Variants in RPS6KA6 observed in about 807,000 individuals in gnomAD.
RPS6KA6 encodes ribosomal protein S6 kinase A6.
In RPS6KA6, 27 loss-of-function variants were observed where a neutral mutation model predicts 65.4. The observed-to-expected ratio is 0.41, with a 90% CI of 0.30 to 0.57. RPS6KA6 has a LOEUF of 0.57. Among genes scored for constraint, RPS6KA6 ranks in the 20% least tolerant of loss-of-function variants. The pLI, the probability that RPS6KA6 is intolerant of heterozygous loss-of-function variation, is 0.24. For synonymous variants in RPS6KA6, 190 were observed against 184.2 expected (o/e 1.03, Z -0.26); for missense variants, 486 against 555.6 (o/e 0.87, Z 1.26).
Position 84,185,041 on chromosome X carries a change from T to A in RPS6KA6, c.81+2778A>T, listed in dbSNP as rs191582306. Among the ~76,000 whole-genome samples the A allele has an allele frequency of 4.4e-3, 485 of 111,033 alleles. 4 individuals are homozygous for A. Among genetic ancestry groups the A allele is most frequent in the African/African-American group, 0.015 (462 of 30,508 alleles). On this transcript the variant is annotated intron_variant, in intron 1 of 21. Coordinates refer to ENST00000262752, the MANE Select transcript of RPS6KA6 (RefSeq NM_014496.5). ...GGCATTAAATCATGAAAAGTTCACATTAGTCAAACAGGTTGTTCTTTATGA... is the reference window on the plus strand; with the variant it reads ...GGCATTAAATCATGAAAAGTTCACAATAGTCAAACAGGTTGTTCTTTATGA...
rs2033289354 is a variant in RPS6KA6, at chrX:84,060,660, G to C, written c.*3617C>G. 9.0e-6 allele frequency: 1 copy of C among 111,087 alleles called. No individual in the cohort carries two copies. Among genetic ancestry groups the C allele is most frequent in the African/African-American group, 3.3e-5 (1 of 30,594 alleles). 9.2% of individuals were successfully genotyped at this position (111,087 alleles called of 1,213,427 possible). A position where few individuals can be genotyped will look rare whatever the true frequency, so the allele number is the denominator to read the frequency against. On this transcript the variant is annotated 3_prime_UTR_variant, in exon 22 of 22. Transcript: ENST00000262752. ...AGTTTAAAAGTTTTTAAGAGAAAAG[G>C]TAGATTGAGAAGTAGAAAGGAAGTA...
intron 3 of RPS6KA6, among the ~76,000 whole-genome samples, chrX:84,151,108 T>G (rs1022456682): frequency 1.2e-4 from 12 of 98,995 alleles, no homozygotes; most frequent in African/African-American, 4.3e-4. Flanking sequence ...TAGATATATA[T>G]AGATATATAT....
At chrX:84,186,775 T>C (rs2035933519) in intron 1 of RPS6KA6, 1 of 111,894 alleles carries the variant, frequency 8.9e-6, no homozygotes, top group East Asian at 2.8e-4. Context: ...CAAAATATCC[T>C]ACTGTGAATC....
At chrX:84,125,518 T>G (rs1370534633) in intron 8 of RPS6KA6, among the ~76,000 whole-genome samples, 1 of 111,339 alleles carries the variant, frequency 9.0e-6, no homozygotes, top group African/African-American at 3.3e-5. Context: ...GCAAGCCTCA[T>G]GGTATTCTCA....
chrX:84,069,464 C>A (rs989456754), intron 20 of RPS6KA6, among the ~76,000 whole-genome samples: 4 of 111,758 alleles, frequency 3.6e-5, no homozygotes, highest in Non-Finnish European at 5.6e-5. Context: ...AAAAGCCCTA[C>A]AAGAAAACCT....
intron 8 of RPS6KA6, among the ~76,000 whole-genome samples, chrX:84,125,213 C>T (rs991472424): frequency 8.1e-5 from 9 of 111,594 alleles, no homozygotes; most frequent in African/African-American, 2.9e-4. Context: ...TCTGAAAGTA[C>T]AAAACTCACT....
At chrX:84,084,136 A>T (rs1419271697) in intron 20 of RPS6KA6, among the ~76,000 whole-genome samples, 2 of 111,554 alleles carry the variant, frequency 1.8e-5, no homozygotes, top group Admixed American at 9.5e-5. Context: ...AGATTGAAAA[A>T]TTTTTCTCCC....
At chrX:84,139,122 G>A (rs1328048961) in intron 6 of RPS6KA6, among the ~76,000 whole-genome samples, 2 of 111,455 alleles carry the variant, frequency 1.8e-5, no homozygotes, top group South Asian at 3.8e-4. Context: ...TTTGGGTAAC[G>A]CATTTAAAAT....
intron 18 of RPS6KA6, among the ~76,000 whole-genome samples, chrX:84,100,774 C>T (rs1050547361): frequency 5.4e-5 from 6 of 110,732 alleles, no homozygotes; most frequent in Admixed American, 9.7e-5. Flanking sequence ...AAAACTTGTA[C>T]ATTATTTTAT....
At chrX:84,177,518 C>T (rs2035790432) in intron 1 of RPS6KA6, among the ~76,000 whole-genome samples, 1 of 111,642 alleles carries the variant, frequency 9.0e-6, no homozygotes, top group Non-Finnish European at 1.9e-5. Context: ...AGCTATTATC[C>T]TCTATGGTAT....
rs1266307501 is a variant in RPS6KA6, at chrX:84,102,079, A to G, written c.1734T>C (p.Leu578=). 5 of 1,200,466 alleles carry G rather than the reference A, an allele frequency of 4.2e-6. No individual in the cohort carries two copies. The Middle Eastern group carries it at 9.2e-4, about 222-fold the overall frequency. Residue 578 remains leucine, a synonymous_variant, in exon 18 of 22, where the codon CTT becomes CTC. Transcript: ENST00000262752. Reference sequence around the variant, plus strand: ...TTGCAGTGTAGCATGGAGTTAAGAGAAGTCCATTTTCTCCTCGAAGTTGTT... The same window carrying G: ...TTGCAGTGTAGCATGGAGTTAAGAGGAGTCCATTTTCTCCTCGAAGTTGTT... ...FAKQLRGENG[L]LLTPCYTANF...
chrX:84,080,094 AG>A (rs2033759659), intron 20 of RPS6KA6, among the ~76,000 whole-genome samples: 1 of 109,566 alleles, frequency 9.1e-6, no homozygotes, highest in African/African-American at 3.3e-5. Context: ...GGCATCTGGC[AG>A]GTGCCCCTAA....
Position 84,062,832 on chromosome X carries a change from C to A in RPS6KA6, c.*1445G>T, listed in dbSNP as rs1312356255. 1 of 111,009 alleles carries A rather than the reference C, an allele frequency of 9.0e-6. No individual in the cohort carries two copies. The highest frequency in any genetic ancestry group is 1.9e-5 in the Non-Finnish European group (1 of 52,847). The allele number at this position is 111,009 out of a possible 1,213,427, so 9.1% of individuals were successfully genotyped here. ...AAAATAAAATACATAGCAAATAGTA[C>A]ACCTAACACGCACAAGTAGTTCACT... On this transcript the variant is annotated 3_prime_UTR_variant, in exon 22 of 22. Transcript: ENST00000262752.
chrX:84,104,936 T>C (rs1471044258), intron 16 of RPS6KA6, among the ~76,000 whole-genome samples: 1 of 110,406 alleles, frequency 9.1e-6, no homozygotes, highest in Non-Finnish European at 1.9e-5. Flanking sequence ...AATTAAAAAA[T>C]AGAACTCTGT....
intron 1 of RPS6KA6, among the ~76,000 whole-genome samples, chrX:84,183,664 C>T (rs1240528927): frequency 9.0e-6 from 1 of 111,450 alleles, no homozygotes; most frequent in Non-Finnish European, 1.9e-5. Context: ...TCTTTCAGAA[C>T]ATTTCCATGC....
intron 3 of RPS6KA6, among the ~76,000 whole-genome samples, chrX:84,152,164 G>C (rs543916361): frequency 2.7e-5 from 3 of 110,822 alleles, no homozygotes; most frequent in African/African-American, 9.8e-5. Context: ...TCCATCATTC[G>C]CAGTCTAGAG....
chrX:84,061,908 T>C lies in RPS6KA6; in HGVS notation c.*2369A>G, dbSNP rs1164375362. 9.0e-6 allele frequency: 1 copy of C among 111,670 alleles called. No homozygotes were observed. Among genetic ancestry groups the C allele is most frequent in the Non-Finnish European group, 1.9e-5 (1 of 53,033 alleles). 9.2% of individuals were successfully genotyped at this position (111,670 alleles called of 1,213,427 possible). On this transcript the variant is annotated 3_prime_UTR_variant, in exon 22 of 22. Transcript: ENST00000262752. ...TTTGGCTATGGAGTTCTAGCCAAAC[T>C]GGACAGGATTAGGCATCCTTACCTG...
At chrX:84,124,440 A>T (rs1045598030) in intron 8 of RPS6KA6, among the ~76,000 whole-genome samples, 3 of 112,081 alleles carry the variant, frequency 2.7e-5, no homozygotes, top group Non-Finnish European at 5.6e-5. Context: ...ATTCTATCAG[A>T]TAACTTTAAT....
At chrX:84,095,487 C>T (rs2034133506) in intron 20 of RPS6KA6, among the ~76,000 whole-genome samples, 1 of 111,465 alleles carries the variant, frequency 9.0e-6, no homozygotes, top group Non-Finnish European at 1.9e-5. Flanking sequence ...CAGCCACTGG[C>T]CACATGTGGC....
Sources: allele counts gnomAD v4.1 joint callset (sites outside exome capture counted in the v4.1 genomes callset), GRCh38; gene constraint gnomAD v4.1.1; transcripts MANE v1.5; gene names NCBI Gene and HGNC (gene_info 2026-07-23, HGNC 2026-07-21).